The following ILF2 variants were observed in gnomAD, a reference collection of about 807,000 sequenced individuals.
ILF2 encodes interleukin enhancer binding factor 2.
Under a neutral mutation model 55.3 loss-of-function variants are expected in ILF2, and 9 were observed. The ratio of observed to expected loss-of-function variants is 0.16; its 90% CI spans 0.10 to 0.28. The LOEUF (loss-of-function observed/expected upper bound fraction) is 0.28. ILF2 is among the 10% of genes least tolerant of loss of function. The probability of loss-of-function intolerance (pLI) is 1.00; values close to 1 mark genes in which losing one functional copy is unlikely to be tolerated. For missense variants in ILF2, 266 were observed against 474.9 expected (o/e 0.56, Z 4.09); for synonymous variants, 151 against 161.8 (o/e 0.93, Z 0.50).
Position 153,663,229 on chromosome 1 carries a change from T to C in ILF2, c.792A>G (p.Leu264=), listed in dbSNP as rs751043585. The change falls in exon 11 of 14, where the codon CTA becomes CTG. Residue 264 remains leucine, a synonymous_variant. Transcript: ENST00000361891. ...GCATGCTGTACCTGTATGCAACGTT[T>C]AGGGCCAAAGGCTGTCTGGTGGGGT... ...MNNPTRQPLA[L]NVAYRRCLQI... 2 of 1,614,216 alleles carry C rather than the reference T, an allele frequency of 1.2e-6. No homozygotes were observed. The highest frequency in any genetic ancestry group is 2.2e-5 in the South Asian group (2 of 91,080).
chr1:153,665,273 A>T lies in ILF2; in HGVS notation c.524T>A (p.Ile175Asn). 1 of 1,613,880 alleles carries T rather than the reference A, an allele frequency of 6.2e-7. No homozygotes were observed. Among genetic ancestry groups the T allele is most frequent in the Non-Finnish European group, 8.5e-7 (1 of 1,179,734 alleles). The change falls in exon 8 of 14, where the codon ATT becomes AAT. Residue 175 changes from isoleucine to asparagine, a missense_variant. By Grantham distance (149) the Ile-to-Asn change is moderately radical (BLOSUM62 -3). Transcript: ENST00000361891. ...ATTGGGTGGCACTGTTGTAATGAGA[A>T]TCTTCACTGTAGCATCAGAAGAACT... ...EISSSDATVKILITTVPPNLR... is the reference protein window; with the variant it reads ...EISSSDATVKNLITTVPPNLR...
chr1:153,663,339 A>G (rs890668035), intron 10 of ILF2, 63 bp from the exon 11 acceptor site: 26 of 1,461,028 alleles, frequency 1.8e-5, no homozygotes, highest in Admixed American at 1.4e-4. Context: ...CTAGAACTTT[A>G]TTTTTTAGAG....
rs1399918531 is a variant in ILF2 at position 153,664,482 on chromosome 1, G to A, written c.578-8C>T. On this transcript the variant is annotated splice_region_variant and splice_polypyrimidine_tract_variant and intron_variant, in intron 8 of 13. Coordinates refer to ENST00000361891, the MANE Select transcript of ILF2 (RefSeq NM_004515.4). ...GCAATACTTTGATATCCACTAAAAAGACAAGCATGATATGCCAGGATGAAA... is the reference window on the plus strand; with the variant it reads ...GCAATACTTTGATATCCACTAAAAAAACAAGCATGATATGCCAGGATGAAA... 1 of 1,605,734 alleles carries A rather than the reference G, an allele frequency of 6.2e-7. No individual in the cohort carries two copies. The highest frequency in any genetic ancestry group is 8.5e-7 in the Non-Finnish European group (1 of 1,172,474).
chr1:153,663,453 T>G (rs1198240921), intron 10 of ILF2, among the ~76,000 whole-genome samples, 177 bp from the exon 11 acceptor site: 1 of 151,760 alleles, frequency 6.6e-6, no homozygotes, highest in African/African-American at 2.4e-5. Flanking sequence ...CTCAGCCTCC[T>G]GAGAAGCTAG....
Position 153,664,104 on chromosome 1 carries a change from T to C in ILF2, c.683A>G (p.Lys228Arg). Residue 228 changes from lysine (K) to arginine (R), a missense_variant, in exon 10 of 14, where the codon AAG (lysine) becomes AGG (arginine). Physicochemically the swap from Lys to Arg is conservative, Grantham distance 26. Coordinates refer to ENST00000361891, the MANE Select transcript of ILF2 (RefSeq NM_004515.4). Reference sequence around the variant, plus strand: ...GCCAGGAAAACGAATCCTCAAGTCCTTCAGTAGTCTGATGAGAACTTTAAC... The same window carrying C: ...GCCAGGAAAACGAATCCTCAAGTCCCTCAGTAGTCTGATGAGAACTTTAAC... Reference protein sequence around the residue: ...STVKVLIRLLKDLRIRFPGFE... With the variant: ...STVKVLIRLLRDLRIRFPGFE... 6.2e-7 allele frequency: 1 copy of C among 1,613,180 alleles called. No homozygotes were observed. Among genetic ancestry groups the C allele is most frequent in the Non-Finnish European group, 8.5e-7 (1 of 1,179,312 alleles).
chr1:153,668,371 C>A, intron 4 of ILF2, 82 bp downstream of exon 4: 1 of 1,532,334 alleles, frequency 6.5e-7, no homozygotes, highest in South Asian at 1.2e-5. Flanking sequence ...TAACACCATT[C>A]TTAACCTTAC....
chr1:153,666,612 A>G (rs762022324), intron 6 of ILF2, among the ~76,000 whole-genome samples: 1 of 151,974 alleles, frequency 6.6e-6, no homozygotes, highest in Non-Finnish European at 1.5e-5. Flanking sequence ...TCAGCCTCCC[A>G]AAGTGCTGGG....
At chr1:153,670,439 C>T (rs1669413603) in intron 1 of ILF2, among the ~76,000 whole-genome samples, 1 of 152,086 alleles carries the variant, frequency 6.6e-6, no homozygotes, top group Non-Finnish European at 1.5e-5. Flanking sequence ...AATGATGGGG[C>T]TCAGTGAGCC....
intron 1 of ILF2, 84 bp from the exon 2 acceptor site, chr1:153,670,314 G>A: frequency 7.2e-7 from 1 of 1,381,908 alleles, no homozygotes; most frequent in Non-Finnish European, 1.0e-6. Context: ...TCATCCCTCG[G>A]AACCTCCCAA....
chr1:153,663,078 T>C lies in ILF2; in HGVS notation c.862A>G (p.Thr288Ala). The change falls in exon 12 of 14, where the codon ACT becomes GCT. Residue 288 changes from threonine (T) to alanine (A), a missense_variant. Physicochemically the swap from Thr to Ala is moderately conservative, Grantham distance 58. Transcript: ENST00000361891. ...AAGTTGCCACTCTCACAGGGGTCAGTGATACCCACTGAACCTGGCAGGAAC... is the reference window on the plus strand; with the variant it reads ...AAGTTGCCACTCTCACAGGGGTCAGCGATACCCACTGAACCTGGCAGGAAC... ...GLFLPGSVGI[T>A]DPCESGNFRV... is the part of the protein sequence containing the mutation. 1 of 1,614,148 alleles carries C rather than the reference T, an allele frequency of 6.2e-7. No homozygotes were observed. The highest frequency in any genetic ancestry group is 8.5e-7 in the Non-Finnish European group (1 of 1,180,024).
intron 13 of ILF2, 31 bp from the exon 14 acceptor site, chr1:153,662,587 G>A (rs1571333348): frequency 6.3e-7 from 1 of 1,598,558 alleles, no homozygotes; most frequent in Non-Finnish European, 8.6e-7. Flanking sequence ...ATTTAGACGA[G>A]TAGCCCAGCA....
Position 153,669,860 on chromosome 1 carries a change from T to C in ILF2, c.84A>G (p.Pro28=). Residue 28 remains proline, a synonymous_variant, in exon 3 of 14, where the codon CCA becomes CCG. Coordinates refer to ENST00000361891, the MANE Select transcript of ILF2 (RefSeq NM_004515.4). The stretch of plus-strand genomic sequence containing the variant: ...CCAAATAGAAGTCAAATGGGATATG[T>C]GGTACAAAGGGCCTGAACCTAAAAC... ...GPGGGFRPFV[P]HIPFDFYLCE... 1 of 1,613,116 alleles carries C rather than the reference T, an allele frequency of 6.2e-7. No individual in the cohort carries two copies. Among genetic ancestry groups the C allele is most frequent in the East Asian group, 2.2e-5 (1 of 44,882 alleles).
At chr1:153,663,355 G>T in intron 10 of ILF2, 79 bp from the exon 11 acceptor site, 2 of 1,322,326 alleles carry the variant, frequency 1.5e-6, no homozygotes, top group Non-Finnish European at 2.2e-6. Context: ...TAGAGACAGG[G>T]CCTCACTTTG....
chr1:153,667,898 G>C (rs1375752574), intron 5 of ILF2, 102 bp downstream of exon 5: 2 of 840,744 alleles, frequency 2.4e-6, no homozygotes, highest in Admixed American at 2.4e-5. Context: ...TTTTAGGCTT[G>C]GCTTTGGATA....
At chr1:153,663,807 C>CA (rs1181353516) in intron 10 of ILF2, among the ~76,000 whole-genome samples, 2,098 of 80,096 alleles carry the variant, frequency 0.026, 11 homozygotes, top group Middle Eastern at 0.045. Flanking sequence ...ATTGAATATA[C>CA]AAAAAAAAAA....
rs768054050 is a variant in ILF2 at position 153,668,599 on chromosome 1, A to G, written c.109-42T>C. 5 of 1,587,170 alleles carry G rather than the reference A, an allele frequency of 3.2e-6. No homozygotes were observed. In the Admixed American group the frequency reaches 9.1e-5, roughly 29 times the overall value. ...CAACTACATTCTATTTGCCGAAGATAATATACAGGAGAGATTGTTTTTTCT... is the reference window on the plus strand; with the variant it reads ...CAACTACATTCTATTTGCCGAAGATGATATACAGGAGAGATTGTTTTTTCT... On this transcript the variant is annotated intron_variant, in intron 3 of 13. Transcript: ENST00000361891.
chr1:153,668,924 G>A (rs1669377954), intron 3 of ILF2, among the ~76,000 whole-genome samples: 2 of 151,640 alleles, frequency 1.3e-5, no homozygotes, highest in South Asian at 4.2e-4. Context: ...TCAAAGGCCA[G>A]GCACAGTGGG....
At chr1:153,666,188 T>C (rs1005805051) in intron 6 of ILF2, among the ~76,000 whole-genome samples, 5 of 151,854 alleles carry the variant, frequency 3.3e-5, no homozygotes, top group African/African-American at 1.2e-4. Context: ...TTTTTTTCTT[T>C]TTTTCTTATT....
At chr1:153,670,887 T>C (rs755165494) in intron 1 of ILF2, 31 bp downstream of exon 1, 3 of 1,613,978 alleles carry the variant, frequency 1.9e-6, no homozygotes, top group African/African-American at 2.7e-5. Context: ...GTCGAATACC[T>C]GAAACCTTTC....
Sources: allele counts gnomAD v4.1 joint callset (sites outside exome capture counted in the v4.1 genomes callset), GRCh38; gene constraint gnomAD v4.1.1; transcripts MANE v1.5; gene names NCBI Gene and HGNC (gene_info 2026-07-23, HGNC 2026-07-21).